PTPRD: variants seen among roughly 807,000 people sequenced by gnomAD.
The protein encoded by PTPRD is receptor-type tyrosine-protein phosphatase delta.
PTPRD carries 34 observed loss-of-function variants against 214.5 expected under a neutral mutation model. The ratio of observed to expected loss-of-function variants is 0.16; its 90% CI spans 0.12 to 0.21. The LOEUF (loss-of-function observed/expected upper bound fraction) is 0.21. Among genes scored for constraint, PTPRD ranks in the 10% least tolerant of loss-of-function variants. The pLI is 1.00. For synonymous variants in PTPRD, 1,128 were observed against 845.7 expected, an observed-to-expected ratio of 1.33 and a Z score of -5.79; for missense variants, 2,545 against 2,398.7, an observed-to-expected ratio of 1.06 and a Z score of -1.27.
intron 14 of PTPRD, among the ~76,000 whole-genome samples, chr9:8,613,184 C>T (rs1172128278): frequency 6.6e-6 from 1 of 152,096 alleles, no homozygotes; most frequent in Non-Finnish European, 1.5e-5. Flanking sequence ...AAGAATGTTA[C>T]TTTTGAATAG....
At chr9:10,443,582 C>T (rs950659728) in intron 2 of PTPRD, among the ~76,000 whole-genome samples, 2 of 151,636 alleles carry the variant, frequency 1.3e-5, no homozygotes, top group African/African-American at 4.8e-5. Flanking sequence ...TCCATTTATA[C>T]CTTAATGTTA....
intron 4 of PTPRD, among the ~76,000 whole-genome samples, chr9:9,997,256 G>A (rs1442971400): frequency 6.7e-6 from 1 of 148,726 alleles, no homozygotes; most frequent in Non-Finnish European, 1.5e-5. Flanking sequence ...AATGGCAGAA[G>A]AAAGAATCAG....
At chr9:9,694,025 G>A (rs2097324444) in intron 7 of PTPRD, among the ~76,000 whole-genome samples, 1 of 152,110 alleles carries the variant, frequency 6.6e-6, no homozygotes, top group African/African-American at 2.4e-5. Flanking sequence ...ATTTCTTTGA[G>A]TTTCCTCAAA....
intron 9 of PTPRD, among the ~76,000 whole-genome samples, chr9:9,227,169 C>T (rs113294792): frequency 6.6e-4 from 100 of 152,158 alleles, no homozygotes; most frequent in Admixed American, 2.6e-3. Context: ...CTACCATCCC[C>T]GAAGTACAAT....
chr9:9,436,229 T>A (rs1370266307), intron 8 of PTPRD, among the ~76,000 whole-genome samples: 1 of 152,142 alleles, frequency 6.6e-6, no homozygotes, highest in Admixed American at 6.5e-5. Context: ...ATGATAAGCT[T>A]CTAGTTGCCC....
At chr9:8,857,244 C>T (rs1031713736) in intron 11 of PTPRD, among the ~76,000 whole-genome samples, 1 of 152,162 alleles carries the variant, frequency 6.6e-6, no homozygotes, top group African/African-American at 2.4e-5. Flanking sequence ...AAACAGTAAT[C>T]CCTGCCTTTA....
At chr9:10,069,719 C>T (rs2097958684) in intron 3 of PTPRD, among the ~76,000 whole-genome samples, 1 of 151,728 alleles carries the variant, frequency 6.6e-6, no homozygotes, top group African/African-American at 2.4e-5. Context: ...GACTCATATT[C>T]TTAGTTTTAG....
intron 8 of PTPRD, among the ~76,000 whole-genome samples, chr9:9,447,229 A>C (rs1304763014): frequency 6.6e-6 from 1 of 152,170 alleles, no homozygotes; most frequent in Non-Finnish European, 1.5e-5. Context: ...TGTTCACTGC[A>C]TCACTATTCA....
intron 34 of PTPRD, among the ~76,000 whole-genome samples, chr9:8,447,983 G>A (rs192587146): frequency 0.01 from 1,537 of 152,172 alleles, 30 homozygotes; most frequent in African/African-American, 0.035. Flanking sequence ...TCTATACATT[G>A]AGTTTGCTAA....
chr9:8,851,735 T>C (rs1401642816), intron 11 of PTPRD, among the ~76,000 whole-genome samples: 1 of 152,200 alleles, frequency 6.6e-6, no homozygotes, highest in Non-Finnish European at 1.5e-5. Context: ...ATTACATGTA[T>C]GGTTATTCAT....
intron 11 of PTPRD, among the ~76,000 whole-genome samples, chr9:9,014,257 T>C (rs186909401): frequency 6.6e-6 from 1 of 151,540 alleles, no homozygotes; most frequent in Admixed American, 6.6e-5. Context: ...CTGATATCTT[T>C]GAATAAAACT....
At chr9:10,509,470 C>CATCT (rs4008059) in intron 2 of PTPRD, among the ~76,000 whole-genome samples, 7,968 of 137,740 alleles carry the variant, frequency 0.058, 276 homozygotes, top group Middle Eastern at 0.08. Flanking sequence ...TTGATTGATC[C>CATCT]ATCTATCTAT....
intron 4 of PTPRD, among the ~76,000 whole-genome samples, chr9:9,973,195 G>C (rs1022146157): frequency 1.6e-4 from 25 of 151,644 alleles, no homozygotes; most frequent in African/African-American, 5.8e-4. Flanking sequence ...GGGCGCAGTG[G>C]CTCATGCCTG....
At chr9:9,500,585 T>A (rs184216023) in intron 8 of PTPRD, among the ~76,000 whole-genome samples, 10 of 152,098 alleles carry the variant, frequency 6.6e-5, no homozygotes, top group African/African-American at 2.4e-4. Flanking sequence ...GGGTTCCCTG[T>A]GGAACACTGG....
intron 44 of PTPRD, among the ~76,000 whole-genome samples, chr9:8,321,244 C>G (rs777223094): frequency 2.0e-5 from 3 of 151,598 alleles, no homozygotes; most frequent in Non-Finnish European, 4.4e-5. Flanking sequence ...CAGAGTCTAT[C>G]TTACCTTGCC....
chr9:9,605,408 A>G (rs12342652), intron 7 of PTPRD, among the ~76,000 whole-genome samples: 3,801 of 152,100 alleles, frequency 0.025, 78 homozygotes, highest in Non-Finnish European at 0.04. Context: ...AGTAGGGAAA[A>G]GTCATGCAAA....
chr9:9,620,875 A>G (rs2095202466), intron 7 of PTPRD, among the ~76,000 whole-genome samples: 1 of 152,152 alleles, frequency 6.6e-6, no homozygotes, highest in Admixed American at 6.5e-5. Flanking sequence ...AGAAAAAAAA[A>G]AAAAAGAGCA....
In PTPRD at chr9:8,964,103, T is replaced by C. The variant is rs910443631; in HGVS notation, c.-104+54594A>G. On this transcript the variant is annotated intron_variant, in intron 11 of 45. Coordinates refer to ENST00000381196, the MANE Select transcript of PTPRD (RefSeq NM_002839.4). ...AGGAGTCCCTCCTCCTTGATTTCAA[T>C]TTTTGGAATAGTTTCAGTAGAATTG... Among the ~76,000 whole-genome samples, 4 of 151,728 alleles carry C rather than the reference T, an allele frequency of 2.6e-5. No individual in the cohort carries two copies. In the East Asian group the frequency reaches 7.8e-4, roughly 29 times the overall value.
chr9:8,820,727 CCACACA>C (rs141466292), intron 11 of PTPRD, among the ~76,000 whole-genome samples: 47 of 150,788 alleles, frequency 3.1e-4, no homozygotes, highest in Admixed American at 9.3e-4. Context: ...ATACTACACA[CCACACA>C]CACACACACA....
Sources: allele counts gnomAD v4.1 joint callset (sites outside exome capture counted in the v4.1 genomes callset), GRCh38; gene constraint gnomAD v4.1.1; transcripts MANE v1.5; gene names NCBI Gene and HGNC (gene_info 2026-07-23, HGNC 2026-07-21).